The following CCDC180 variants were observed in gnomAD, a reference collection of about 807,000 sequenced individuals.
CCDC180 encodes coiled-coil domain-containing protein 180.
A neutral mutation model predicts 209.2 loss-of-function variants in CCDC180; 154 were observed. That is an observed-to-expected ratio of 0.74 (90% confidence interval 0.65 to 0.84). The LOEUF is 0.84. Among genes scored for constraint, CCDC180 ranks in the 40% least tolerant of loss-of-function variants. The pLI is 0.00. For synonymous variants in CCDC180, 778 were observed against 749.1 expected, an observed-to-expected ratio of 1.04 and a Z score of -0.63; for missense variants, 1,874 against 1,997.3, an observed-to-expected ratio of 0.94 and a Z score of 1.18.
intron 14 of CCDC180, 141 bp downstream of exon 14, chr9:97,325,333 G>A (rs1408416457): frequency 1.2e-6 from 1 of 805,046 alleles, no homozygotes; most frequent in African/African-American, 1.7e-5. Flanking sequence ...CATGGGATCA[G>A]ATGGGAGTAG....
At chr9:97,309,123 T>C (rs1307365136) in intron 2 of CCDC180, among the ~76,000 whole-genome samples, 2 of 152,218 alleles carry the variant, frequency 1.3e-5, no homozygotes, top group Admixed American at 6.5e-5. Context: ...ATCCCTATTA[T>C]TAGTCAGTTC....
At position 97,350,529 on chromosome 9, in the gene CCDC180, A is replaced by G; in HGVS notation, c.2976A>G (p.Ser992=). Residue 992 remains serine (S), a synonymous_variant, in exon 22 of 37, where the codon TCA becomes TCG. Transcript: ENST00000529487. ...AGAGTCTGGGCAAACTCCGCTACTC[A>G]AATATTGAGTTCATCAAACACTGCA... ...LEESLGKLRY[S]NIEFIKHCRL... 1 of 1,536,486 alleles carries G rather than the reference A, an allele frequency of 6.5e-7. No homozygotes were observed.
intron 4 of CCDC180, 69 bp from the exon 5 acceptor site, chr9:97,313,167 T>C (rs993282754): frequency 3.1e-6 from 3 of 978,488 alleles, no homozygotes; most frequent in Non-Finnish European, 4.9e-6. Context: ...GTGCAGGGGC[T>C]GTCTGCCTGT....
chr9:97,371,563 T>C (rs1166835377), intron 33 of CCDC180, 32 bp from the exon 34 acceptor site: 1 of 1,437,868 alleles, frequency 7.0e-7, no homozygotes, highest in South Asian at 1.2e-5. Context: ...GATCCTCTCC[T>C]AGCAGCACTG....
At chr9:97,352,853 T>C (rs1316887239) in intron 22 of CCDC180, among the ~76,000 whole-genome samples, 5 of 152,020 alleles carry the variant, frequency 3.3e-5, no homozygotes, top group Non-Finnish European at 7.4e-5. Flanking sequence ...TGATTCACTC[T>C]GTAACTGTGT....
At chr9:97,359,665 C>G (rs1010474653) in intron 25 of CCDC180, among the ~76,000 whole-genome samples, 1 of 151,938 alleles carries the variant, frequency 6.6e-6, no homozygotes, top group Admixed American at 6.6e-5. Flanking sequence ...TTTTGTGTCC[C>G]CATCTTACAG....
At position 97,330,171 on chromosome 9, in the gene CCDC180, C is replaced by G; in HGVS notation, c.1806C>G (p.Val602=). 6.2e-7 allele frequency: 1 copy of G among 1,613,032 alleles called. No individual in the cohort carries two copies. The highest frequency in any genetic ancestry group is 8.5e-7 in the Non-Finnish European group (1 of 1,179,640). Residue 602 remains valine (V), a synonymous_variant, in exon 17 of 37, where the codon GTC becomes GTG. Coordinates refer to ENST00000529487, the MANE Select transcript of CCDC180 (RefSeq NM_020893.6). ...EIFEQNLAGE[V]IFKFRQPEAH... Reference sequence around the variant, plus strand: ...CCTTGTAGAACTTGGCTGGAGAAGTCATTTTCAAATTCAGGCAACCAGGTA... The same window carrying G: ...CCTTGTAGAACTTGGCTGGAGAAGTGATTTTCAAATTCAGGCAACCAGGTA...
At chr9:97,345,511 G>T in intron 19 of CCDC180, 1 of 389,124 alleles carries the variant, frequency 2.6e-6, no homozygotes, top group Non-Finnish European at 4.9e-6. Context: ...TATCTTTTTG[G>T]GAAATGCCTA....
chr9:97,350,234 C>T (rs954308925), intron 21 of CCDC180, among the ~76,000 whole-genome samples, 175 bp from the exon 22 acceptor site: 5 of 151,852 alleles, frequency 3.3e-5, no homozygotes, highest in Non-Finnish European at 7.4e-5. Flanking sequence ...CCTGCCCCTC[C>T]CATGTCCCCA....
At chr9:97,322,792 C>G (rs562499876) in intron 11 of CCDC180, 41 bp from the exon 12 acceptor site, 3 of 1,575,662 alleles carry the variant, frequency 1.9e-6, no homozygotes, top group Non-Finnish European at 1.7e-6. Flanking sequence ...CTAATCTTCT[C>G]TTCCTTCTGG....
chr9:97,325,658 C>A (rs1045997438), intron 14 of CCDC180, among the ~76,000 whole-genome samples: 2 of 152,154 alleles, frequency 1.3e-5, no homozygotes, highest in African/African-American at 2.4e-5. Flanking sequence ...TCAGGTGTGC[C>A]TTTCTATGTG....
chr9:97,318,541 C>G lies in CCDC180; in HGVS notation c.1038C>G (p.Asn346Lys), dbSNP rs146069415. ...KELEVMLKTQ[N>K]VLQQRRLKHL... is the part of the protein sequence containing the mutation. Reference sequence around the variant, plus strand: ...TAGAGGTCATGCTGAAGACCCAGAACGTCCTGCAGCAAAGGCGGCTGAAGC... The same window carrying G: ...TAGAGGTCATGCTGAAGACCCAGAAGGTCCTGCAGCAAAGGCGGCTGAAGC... The change falls in exon 10 of 37, where the codon AAC (asparagine) becomes AAG (lysine). Residue 346 changes from asparagine (N) to lysine (K), a missense_variant. By Grantham distance (94) the Asn-to-Lys change is moderately conservative (BLOSUM62 0). Coordinates refer to ENST00000529487, the MANE Select transcript of CCDC180 (RefSeq NM_020893.6). The G allele has an allele frequency of 4.2e-3, 6,792 of 1,613,604 alleles. 27 individuals carry two copies. The highest frequency in any genetic ancestry group is 7.1e-3 in the Middle Eastern group (43 of 6,060).
intron 18 of CCDC180, among the ~76,000 whole-genome samples, chr9:97,341,499 C>T (rs535634218): frequency 6.6e-6 from 1 of 152,304 alleles, no homozygotes; most frequent in South Asian, 2.1e-4. Flanking sequence ...TGGGTTTCAC[C>T]AGCAGAGGCT....
intron 36 of CCDC180, chr9:97,376,017 T>G (rs1317761303): frequency 5.4e-6 from 1 of 183,868 alleles, no homozygotes; most frequent in Non-Finnish European, 1.1e-5. Flanking sequence ...ATGAGGCATC[T>G]CACTGAATCC....
intron 16 of CCDC180, among the ~76,000 whole-genome samples, chr9:97,329,038 A>G (rs4743076): frequency 0.55 from 83,194 of 151,936 alleles, 24,144 homozygotes; most frequent in African/African-American, 0.73. Context: ...GAATGGAAAT[A>G]CTCATGGTTG....
At chr9:97,322,712 A>G (rs1370502650) in intron 11 of CCDC180, 121 bp from the exon 12 acceptor site, 5 of 800,458 alleles carry the variant, frequency 6.2e-6, no homozygotes, top group Non-Finnish European at 1.1e-5. Flanking sequence ...AATCGGGACC[A>G]CTGATCTTCA....
At chr9:97,329,954 G>C (rs1380877584) in intron 16 of CCDC180, among the ~76,000 whole-genome samples, 200 bp from the exon 17 acceptor site, 2 of 151,734 alleles carry the variant, frequency 1.3e-5, no homozygotes, top group African/African-American at 2.4e-5. Flanking sequence ...TATAGTCCCA[G>C]CTACTCGGGA....
chr9:97,346,334 A>G (rs1826260853), intron 19 of CCDC180, among the ~76,000 whole-genome samples: 1 of 152,234 alleles, frequency 6.6e-6, no homozygotes, highest in Non-Finnish European at 1.5e-5. Flanking sequence ...TCCATAAGAC[A>G]TCTGCTGCGA....
At chr9:97,370,206 G>A in intron 32 of CCDC180, 124 bp downstream of exon 32, 1 of 1,068,856 alleles carries the variant, frequency 9.4e-7, no homozygotes, top group Non-Finnish European at 1.3e-6. Context: ...GGGATTTTTG[G>A]ATGGGGGCTG....
Sources: gnomAD v4.1 joint callset for allele counts (sites outside exome capture counted in the v4.1 genomes callset) on GRCh38, gnomAD v4.1.1 for gene constraint, MANE v1.5 for transcripts, NCBI Gene and HGNC (gene_info 2026-07-23, HGNC 2026-07-21) for gene names.